Variants in ANKRD44 observed in about 807,000 individuals in gnomAD.
ANKRD44 encodes the protein ankyrin repeat domain 44.
A neutral mutation model predicts 116.0 loss-of-function variants in ANKRD44; 35 were observed. The ratio of observed to expected loss-of-function variants is 0.30; its 90% CI spans 0.23 to 0.40. The LOEUF is 0.40. ANKRD44 is among the 10% of genes least tolerant of loss of function. ANKRD44 has a pLI of 1.00. For missense variants in ANKRD44, 1,014 were observed against 1,242.6 expected (o/e 0.82, Z 2.77); for synonymous variants, 435 against 461.8 (o/e 0.94, Z 0.74).
intron 3 of ANKRD44, among the ~76,000 whole-genome samples, chr2:197,142,910 T>C (rs1485630305): frequency 6.6e-6 from 1 of 151,272 alleles, no homozygotes; most frequent in South Asian, 2.1e-4. Flanking sequence ...GAGGCCAAGA[T>C]GGGAGGATCA....
intron 23 of ANKRD44, among the ~76,000 whole-genome samples, 154 bp from the exon 24 acceptor site, chr2:196,999,206 C>T (rs1323719539): frequency 1.3e-5 from 2 of 152,142 alleles, no homozygotes; most frequent in African/African-American, 4.8e-5. Flanking sequence ...AAAGGTCATC[C>T]AGGATAGACA....
At chr2:196,985,647 T>A (rs776513150), downstream of ANKRD44, among the ~76,000 whole-genome samples, 4 of 152,186 alleles carry the variant, frequency 2.6e-5, no homozygotes, top group Non-Finnish European at 5.9e-5. Context: ...TTCTCTAGGA[T>A]TCAGTTTCTT....
At chr2:197,208,623 A>T (rs1416286070) in intron 1 of ANKRD44, among the ~76,000 whole-genome samples, 8 of 152,002 alleles carry the variant, frequency 5.3e-5, no homozygotes, top group African/African-American at 1.9e-4. Context: ...ACATGGTGAA[A>T]CCCCGTCTCT....
chr2:197,272,763 A>G (rs1474869434), intron 1 of ANKRD44, among the ~76,000 whole-genome samples: 1 of 152,068 alleles, frequency 6.6e-6, no homozygotes, highest in Non-Finnish European at 1.5e-5. Flanking sequence ...CAGGAATTGG[A>G]CCCTCACCAG....
chr2:196,976,596 G>A (rs2075762062), intron 21 of ANKRD44, among the ~76,000 whole-genome samples: 1 of 152,216 alleles, frequency 6.6e-6, no homozygotes, highest in African/African-American at 2.4e-5. Context: ...GCTGGGTGCA[G>A]TGGCTCATGC....
chr2:197,246,516 T>C (rs1236924140), intron 1 of ANKRD44, among the ~76,000 whole-genome samples: 1 of 151,746 alleles, frequency 6.6e-6, no homozygotes, highest in African/African-American at 2.4e-5. Context: ...GATTCTTAAA[T>C]CATTCTGCCC....
intron 1 of ANKRD44, among the ~76,000 whole-genome samples, chr2:197,294,396 G>A (rs1574464259): frequency 1.5e-5 from 2 of 135,406 alleles, no homozygotes; most frequent in South Asian, 2.4e-4. Flanking sequence ...TTCTGGCCTC[G>A]CTAACCAGTT....
In ANKRD44 at chr2:197,236,819, G is replaced by C. The variant is rs902254628; in HGVS notation, c.28-49713C>G. On this transcript the variant is annotated intron_variant, in intron 1 of 27. Coordinates refer to ENST00000282272, the MANE Select transcript of ANKRD44 (RefSeq NM_001195144.2). ...AGAATCCCCGTGCCACTTCAGTCCTGAGTTTGTATAATGAGAGCACACAGT... is the reference window on the plus strand; with the variant it reads ...AGAATCCCCGTGCCACTTCAGTCCTCAGTTTGTATAATGAGAGCACACAGT... Among the ~76,000 whole-genome samples, 3 of 152,256 alleles carry C rather than the reference G, an allele frequency of 2.0e-5. No individual in the cohort carries two copies. In the South Asian group the frequency reaches 6.2e-4, roughly 32 times the overall value.
chr2:197,071,703 C>A (rs1444494007), intron 16 of ANKRD44, among the ~76,000 whole-genome samples: 1 of 151,990 alleles, frequency 6.6e-6, no homozygotes, highest in Non-Finnish European at 1.5e-5. Context: ...TTGATCAGAT[C>A]CTCTTGGTTG....
chr2:197,061,813 C>T (rs182001936), intron 16 of ANKRD44, among the ~76,000 whole-genome samples: 1 of 141,980 alleles, frequency 7.0e-6, no homozygotes, highest in Non-Finnish European at 1.5e-5. Flanking sequence ...CAGAGTCTCA[C>T]TCTATTGTCC....
chr2:197,285,875 C>G (rs2083392513), intron 1 of ANKRD44, among the ~76,000 whole-genome samples: 1 of 152,222 alleles, frequency 6.6e-6, no homozygotes, highest in Admixed American at 6.5e-5. Flanking sequence ...CCTCTGGGAA[C>G]CCTCTGACAA....
At chr2:197,265,209 C>T (rs1405566414) in intron 1 of ANKRD44, among the ~76,000 whole-genome samples, 1 of 151,372 alleles carries the variant, frequency 6.6e-6, no homozygotes, top group Non-Finnish European at 1.5e-5. Flanking sequence ...TAACGTACTT[C>T]CTTAAGTAAC....
chr2:197,259,140 A>T (rs1229025066), intron 1 of ANKRD44, among the ~76,000 whole-genome samples: 1 of 152,298 alleles, frequency 6.6e-6, no homozygotes, highest in East Asian at 1.9e-4. Context: ...GCAATAATGT[A>T]AGTTTTTATT....
chr2:197,180,184 G>T (rs2080469806), intron 2 of ANKRD44, among the ~76,000 whole-genome samples: 1 of 151,774 alleles, frequency 6.6e-6, no homozygotes, highest in South Asian at 2.1e-4. Flanking sequence ...CTTTCCAGAT[G>T]CATGTGGCCA....
chr2:197,291,146 C>T (rs563081367), intron 1 of ANKRD44, among the ~76,000 whole-genome samples: 17 of 152,256 alleles, frequency 1.1e-4, no homozygotes, highest in South Asian at 6.2e-4. Context: ...GAGTTCCAGG[C>T]TGCTGTAAGC....
intron 16 of ANKRD44, among the ~76,000 whole-genome samples, chr2:197,071,772 T>C (rs2077563947): frequency 6.6e-6 from 1 of 152,206 alleles, no homozygotes; most frequent in African/African-American, 2.4e-5. Flanking sequence ...GTTCTACCAA[T>C]TGTTGAGAGA....
At chr2:197,307,469 G>A (rs2084105627) in intron 1 of ANKRD44, among the ~76,000 whole-genome samples, 1 of 148,060 alleles carries the variant, frequency 6.8e-6, no homozygotes, top group Non-Finnish European at 1.5e-5. Flanking sequence ...AAGGGACACT[G>A]TTACAAAAGT....
intron 2 of ANKRD44, among the ~76,000 whole-genome samples, chr2:197,182,956 CAGAA>C (rs2125586851): frequency 6.6e-6 from 1 of 151,894 alleles, no homozygotes; most frequent in Non-Finnish European, 1.5e-5. Flanking sequence ...GAGAAGAGAG[CAGAA>C]AGGAAGTGAG....
At chr2:197,270,604 G>A (rs1475767395) in intron 1 of ANKRD44, among the ~76,000 whole-genome samples, 1 of 152,142 alleles carries the variant, frequency 6.6e-6, no homozygotes, top group Admixed American at 6.5e-5. Context: ...GAGACATCTG[G>A]GTCAAAGGTA....
Sources: allele counts gnomAD v4.1 joint callset (sites outside exome capture counted in the v4.1 genomes callset), GRCh38; gene constraint gnomAD v4.1.1; transcripts MANE v1.5; gene names NCBI Gene and HGNC (gene_info 2026-07-23, HGNC 2026-07-21).